Variants in RAPGEF4 observed in about 807,000 individuals in gnomAD.
The protein encoded by RAPGEF4 is RAP guanine-nucleotide-exchange factor (GEF) 4.
Under a neutral mutation model 147.9 loss-of-function variants are expected in RAPGEF4, and 66 were observed. The ratio of observed to expected loss-of-function variants is 0.45; its 90% CI spans 0.37 to 0.55. The LOEUF is 0.55. Ranked by LOEUF, RAPGEF4 falls within the 20% of genes least tolerant of loss-of-function variation. The pLI, the probability that RAPGEF4 is intolerant of heterozygous loss-of-function variation, is 0.00. For synonymous variants in RAPGEF4, 419 were observed against 442.7 expected (o/e 0.95, Z 0.67); for missense variants, 1,071 against 1,257.3 (o/e 0.85, Z 2.24).
At chr2:172,968,285 G>A (rs1432374378) in intron 10 of RAPGEF4, among the ~76,000 whole-genome samples, 1 of 152,176 alleles carries the variant, frequency 6.6e-6, no homozygotes, top group Non-Finnish European at 1.5e-5. Flanking sequence ...TCGGCCAGCT[G>A]TGGATGTCAG....
At chr2:173,030,557 A>G (rs2305462) in intron 26 of RAPGEF4, among the ~76,000 whole-genome samples, 105,179 of 152,178 alleles carry the variant, frequency 0.69, 39,995 homozygotes, top group Non-Finnish European at 0.85. Context: ...CATTGCTGGG[A>G]ATGACTTCAT....
intron 6 of RAPGEF4, among the ~76,000 whole-genome samples, chr2:172,925,777 A>AAGAGAGAGAG (rs67773579): frequency 1.5e-4 from 20 of 133,894 alleles, no homozygotes; most frequent in South Asian, 7.8e-4. Flanking sequence ...GAAAGAAAGA[A>AAGAGAGAGAG]AGAGAGAGAG....
At chr2:173,007,027 AAAT>A (rs1180295336) in intron 17 of RAPGEF4, among the ~76,000 whole-genome samples, 1 of 152,228 alleles carries the variant, frequency 6.6e-6, no homozygotes, top group Non-Finnish European at 1.5e-5. Context: ...ATATGCTAAA[AAAT>A]ATTTCATATA....
chr2:172,941,116 A>G (rs1372874970), intron 6 of RAPGEF4, among the ~76,000 whole-genome samples: 1 of 152,076 alleles, frequency 6.6e-6, no homozygotes, highest in African/African-American at 2.4e-5. Context: ...GTTCTTTGGA[A>G]TTTTCTACGT....
chr2:172,964,508 A>G (rs569588668), intron 8 of RAPGEF4, among the ~76,000 whole-genome samples: 1 of 145,942 alleles, frequency 6.9e-6, no homozygotes, highest in South Asian at 2.1e-4. Context: ...TCTGTATCTC[A>G]TGTCTCCCGC....
At chr2:172,967,714 TA>T (rs1458950771) in intron 10 of RAPGEF4, among the ~76,000 whole-genome samples, 1 of 152,232 alleles carries the variant, frequency 6.6e-6, no homozygotes, top group African/African-American at 2.4e-5. Flanking sequence ...GTCCCCATAT[TA>T]AATGACCTTT....
chr2:172,848,076 A>C (rs1692396846), intron 4 of RAPGEF4, among the ~76,000 whole-genome samples: 1 of 152,118 alleles, frequency 6.6e-6, no homozygotes, highest in Admixed American at 6.5e-5. Flanking sequence ...AAAGATTGAG[A>C]GTCTAGTTGG....
rs1347688641 is a variant in RAPGEF4 at position 172,814,218 on chromosome 2, A to G, written c.298-61A>G. ...TACAAATTATACTGCAGTTAAAGAA[A>G]AGAAAACACCTACCCATTAGATGTT... On this transcript the variant is annotated intron_variant, in intron 3 of 30. Transcript: ENST00000397081. 7 of 1,563,112 alleles carry G rather than the reference A, an allele frequency of 4.5e-6. No individual in the cohort carries two copies. The African/African-American group carries it at 5.4e-5, about 12-fold the overall frequency.
intron 4 of RAPGEF4, among the ~76,000 whole-genome samples, chr2:172,821,140 T>C (rs1321361796): frequency 6.6e-6 from 1 of 152,238 alleles, no homozygotes; most frequent in East Asian, 1.9e-4. Flanking sequence ...AGAACACAGA[T>C]ATCCCAGAAG....
At chr2:172,772,867 T>G (rs1387725090) in intron 1 of RAPGEF4, among the ~76,000 whole-genome samples, 1 of 152,242 alleles carries the variant, frequency 6.6e-6, no homozygotes, top group Non-Finnish European at 1.5e-5. Flanking sequence ...GTCCTAGTTA[T>G]GTTCTAAACC....
intron 10 of RAPGEF4, among the ~76,000 whole-genome samples, chr2:172,970,674 G>A (rs1226876429): frequency 2.0e-5 from 3 of 151,948 alleles, no homozygotes; most frequent in Non-Finnish European, 4.4e-5. Flanking sequence ...AGGCTACTTA[G>A]AAAAATTCTC....
chr2:173,017,166 TC>T lies in RAPGEF4; in HGVS notation c.1899-7del. 6.2e-7 allele frequency: 1 copy of T among 1,612,796 alleles called. No homozygotes were observed. The highest frequency in any genetic ancestry group is 8.5e-7 in the Non-Finnish European group (1 of 1,178,788). ...TATTAAATAATGTGCTTTCTCTACT[TC>T]TCGTAGCTCAGAAGATGCAAAGGCA... On this transcript the variant is annotated splice_region_variant and splice_polypyrimidine_tract_variant and intron_variant, in intron 19 of 30. Transcript: ENST00000397081.
intron 16 of RAPGEF4, among the ~76,000 whole-genome samples, 176 bp downstream of exon 16, chr2:172,996,730 C>T (rs947584658): frequency 2.0e-5 from 3 of 152,202 alleles, no homozygotes; most frequent in Non-Finnish European, 4.4e-5. Context: ...TGACTGTCGT[C>T]TTCCCTCCCC....
intron 29 of RAPGEF4, among the ~76,000 whole-genome samples, chr2:173,037,149 G>A (rs535650519): frequency 7.9e-5 from 12 of 152,296 alleles, no homozygotes; most frequent in South Asian, 2.1e-4. Context: ...AATAAAGTTC[G>A]CTCAAGTTCA....
At chr2:172,752,883 T>C (rs1485881475) in intron 1 of RAPGEF4, among the ~76,000 whole-genome samples, 1 of 152,254 alleles carries the variant, frequency 6.6e-6, no homozygotes, top group Non-Finnish European at 1.5e-5. Context: ...TGTTCCTCAA[T>C]TGAATTTTAC....
At chr2:173,006,134 T>G (rs565996330) in intron 17 of RAPGEF4, among the ~76,000 whole-genome samples, 9 of 152,288 alleles carry the variant, frequency 5.9e-5, no homozygotes, top group African/African-American at 2.2e-4. Context: ...ACAGGAAGCC[T>G]ATAACTCCAA....
At chr2:173,027,557 G>A (rs1385283847) in intron 25 of RAPGEF4, among the ~76,000 whole-genome samples, 2 of 152,052 alleles carry the variant, frequency 1.3e-5, no homozygotes, top group Non-Finnish European at 1.5e-5. Context: ...AATTCCTTCC[G>A]TAAACCAAGT....
chr2:172,960,866 T>C, intron 7 of RAPGEF4, 53 bp downstream of exon 7: 1 of 1,426,408 alleles, frequency 7.0e-7, no homozygotes, highest in Non-Finnish European at 9.7e-7. Context: ...CTTAAGTACC[T>C]CTGGAGGTGG....
Position 172,923,388 on chromosome 2 carries a change from C to T in RAPGEF4, c.537+1088C>T, listed in dbSNP as rs185222538. Among the ~76,000 whole-genome samples the T allele has an allele frequency of 2.0e-3, 308 of 152,290 alleles. 2 individuals carry two copies. The highest frequency in any genetic ancestry group is 7.1e-3 in the African/African-American group (293 of 41,558). On this transcript the variant is annotated intron_variant, in intron 6 of 30. Coordinates refer to ENST00000397081, the MANE Select transcript of RAPGEF4 (RefSeq NM_007023.4). ...GATTCAAGTGATTCTCCTGCCTCAG[C>T]CTGCCGAATAGCTGGGATTACAGGC...
Sources: gnomAD v4.1 joint callset for allele counts (sites outside exome capture counted in the v4.1 genomes callset) on GRCh38, gnomAD v4.1.1 for gene constraint, MANE v1.5 for transcripts, NCBI Gene and HGNC (gene_info 2026-07-23, HGNC 2026-07-21) for gene names.